PRPSAP2: variants seen among roughly 807,000 people sequenced by gnomAD.
PRPSAP2 encodes phosphoribosyl pyrophosphate synthetase associated protein 2.
A neutral mutation model predicts 40.6 loss-of-function variants in PRPSAP2; 24 were observed. The observed-to-expected ratio is 0.59, with a 90% CI of 0.43 to 0.83. The LOEUF (loss-of-function observed/expected upper bound fraction) is 0.83. PRPSAP2 is among the 40% of genes least tolerant of loss of function. The pLI is 0.00. For synonymous variants in PRPSAP2, 149 were observed against 164.7 expected, an observed-to-expected ratio of 0.90 and a Z score of 0.73; for missense variants, 292 against 465.6, an observed-to-expected ratio of 0.63 and a Z score of 3.43.
chr17:18,863,830 C>CTT (rs2037226994), intron 1 of PRPSAP2, among the ~76,000 whole-genome samples: 2 of 74,188 alleles, frequency 2.7e-5, no homozygotes, highest in African/African-American at 1.1e-4. Flanking sequence ...CACTGCGTGG[C>CTT]CTTTTTTTTT....
chr17:18,882,250 G>T (rs2038811490), intron 6 of PRPSAP2, among the ~76,000 whole-genome samples: 1 of 152,048 alleles, frequency 6.6e-6, no homozygotes, highest in Admixed American at 6.6e-5. Flanking sequence ...AGTGGCTCAT[G>T]CCTGTATTCC....
At chr17:18,885,390 A>T (rs2039056014) in intron 7 of PRPSAP2, among the ~76,000 whole-genome samples, 1 of 111,004 alleles carries the variant, frequency 9.0e-6, no homozygotes, top group Non-Finnish European at 1.7e-5. Flanking sequence ...CGACAGAGTG[A>T]GATTCCTTCT....
rs950601250 is a variant in PRPSAP2 at position 18,892,593 on chromosome 17, C to CT, written c.584+2730dup. Among the ~76,000 whole-genome samples the CT allele has an allele frequency of 1.2e-3, 160 of 131,194 alleles. 1 individual carries two copies. Among genetic ancestry groups the CT allele is most frequent in the Middle Eastern group, 0.011 (3 of 262 alleles). 86.1% of individuals were successfully genotyped at this position (131,194 alleles called of 152,430 possible). A position where few individuals can be genotyped will look rare whatever the true frequency, so the allele number is the denominator to read the frequency against. On this transcript the variant is annotated intron_variant, in intron 8 of 11. Coordinates refer to ENST00000268835, the MANE Select transcript of PRPSAP2 (RefSeq NM_002767.4). Reference sequence around the variant, plus strand: ...CCTAATGATTGATGATGTTGAGTATCTTTTTTTTTTTTTTAATGAGACAGG... The same window carrying CT: ...CCTAATGATTGATGATGTTGAGTATCTTTTTTTTTTTTTTTAATGAGACAGG...
At chr17:18,922,976 G>A (rs113575362) in intron 9 of PRPSAP2, among the ~76,000 whole-genome samples, 14,814 of 151,706 alleles carry the variant, frequency 0.098, 905 homozygotes, top group African/African-American at 0.17. Context: ...ACCATGCCCA[G>A]CCTACTTTAT....
At chr17:18,904,994 G>A (rs1771243867) in intron 8 of PRPSAP2, 1 of 152,088 alleles carries the variant, frequency 6.6e-6, no homozygotes, top group South Asian at 2.1e-4. Context: ...CCATTGCTGT[G>A]CAGGTAATAA....
chr17:18,881,933 C>T (rs531824403), intron 6 of PRPSAP2, among the ~76,000 whole-genome samples: 10 of 150,556 alleles, frequency 6.6e-5, no homozygotes, highest in African/African-American at 1.2e-4. Flanking sequence ...CTCTGCCTCC[C>T]GGATTCAAGC....
At chr17:18,882,786 G>A (rs79836654) in intron 7 of PRPSAP2, 103 bp downstream of exon 7, 53,390 of 723,398 alleles carry the variant, frequency 0.074, 2,296 homozygotes, top group African/African-American at 0.13. Flanking sequence ...TTGATGTATT[G>A]TACTTAAAGT....
intron 8 of PRPSAP2, among the ~76,000 whole-genome samples, chr17:18,909,536 G>A (rs1394904652): frequency 1.3e-5 from 2 of 151,962 alleles, no homozygotes; most frequent in South Asian, 2.1e-4. Flanking sequence ...GAGCCACTGC[G>A]CCCGGCCTAT....
chr17:18,917,361 G>C (rs1172625221), intron 9 of PRPSAP2: 1 of 150,816 alleles, frequency 6.6e-6, no homozygotes, highest in Non-Finnish European at 1.5e-5. Context: ...GGAACAGGAG[G>C]GGCAGAAAAG....
Position 18,892,592 on chromosome 17 carries a change from T to A in PRPSAP2, c.584+2715T>A, listed in dbSNP as rs1255999894. On this transcript the variant is annotated intron_variant, in intron 8 of 11. Transcript: ENST00000268835. ...CCCTAATGATTGATGATGTTGAGTA[T>A]CTTTTTTTTTTTTTTAATGAGACAG... Among the ~76,000 whole-genome samples the A allele has an allele frequency of 2.0e-5, 3 of 150,848 alleles. No homozygotes were observed. The East Asian group carries it at 5.8e-4, about 29-fold the overall frequency.
intron 9 of PRPSAP2, among the ~76,000 whole-genome samples, chr17:18,914,292 C>T (rs2041165349): frequency 1.2e-5 from 1 of 81,602 alleles, no homozygotes; most frequent in Non-Finnish European, 2.2e-5. Flanking sequence ...GAGTCTTGAT[C>T]TGTCTTCCAG....
At position 18,930,169 on chromosome 17, in the gene PRPSAP2, G is replaced by A. The variant is rs374350300; in HGVS notation, c.952-371G>A. ...CGGTGGATCATGAGGTCAGGAGGTC[G>A]AGACCATCCTGGCTAACGCGGTGAA... On this transcript the variant is annotated intron_variant, in intron 11 of 11. Coordinates refer to ENST00000268835, the MANE Select transcript of PRPSAP2 (RefSeq NM_002767.4). 1.7e-3 allele frequency among the ~76,000 whole-genome samples: 258 copies of A among 152,262 alleles called. 2 individuals carry two copies. Among genetic ancestry groups the A allele is most frequent in the African/African-American group, 5.9e-3 (246 of 41,548 alleles).
intron 6 of PRPSAP2, among the ~76,000 whole-genome samples, chr17:18,882,170 A>T (rs188402055): frequency 3.3e-5 from 5 of 152,008 alleles, no homozygotes; most frequent in Non-Finnish European, 7.4e-5. Flanking sequence ...AACTTATTGT[A>T]TATAGTATTT....
chr17:18,878,839 C>T lies in PRPSAP2; in HGVS notation c.412+969C>T, dbSNP rs192753433. On this transcript the variant is annotated intron_variant, in intron 6 of 11. Transcript: ENST00000268835. Reference sequence around the variant, plus strand: ...GATTACAGGCGTAAGCCACTGCACCCGGCCTATGATTTTTTTATTTTAATT... The same window carrying T: ...GATTACAGGCGTAAGCCACTGCACCTGGCCTATGATTTTTTTATTTTAATT... 3.6e-3 allele frequency among the ~76,000 whole-genome samples: 547 copies of T among 151,820 alleles called. 1 individual carries two copies. Among genetic ancestry groups the T allele is most frequent in the African/African-American group, 0.012 (500 of 41,396 alleles).
At chr17:18,907,696 C>T (rs2040684956) in intron 8 of PRPSAP2, among the ~76,000 whole-genome samples, 1 of 152,082 alleles carries the variant, frequency 6.6e-6, no homozygotes, top group Non-Finnish European at 1.5e-5. Context: ...ATTCTCTGAC[C>T]ACAGTGGAAT....
intron 10 of PRPSAP2, among the ~76,000 whole-genome samples, chr17:18,927,253 C>T (rs1417317524): frequency 1.3e-5 from 2 of 152,158 alleles, no homozygotes; most frequent in Admixed American, 6.5e-5. Flanking sequence ...CCCAAAGACC[C>T]CACCACCCAA....
At chr17:18,874,049 C>T (rs1045172968) in intron 5 of PRPSAP2, among the ~76,000 whole-genome samples, 1 of 152,142 alleles carries the variant, frequency 6.6e-6, no homozygotes, top group African/African-American at 2.4e-5. Context: ...GGACTACAGG[C>T]ATGCACCAGC....
chr17:18,912,312 C>G (rs551530490), intron 9 of PRPSAP2, among the ~76,000 whole-genome samples: 1 of 152,286 alleles, frequency 6.6e-6, no homozygotes, highest in East Asian at 1.9e-4. Context: ...GCCTCTCTGA[C>G]AAGGGCACTG....
intron 9 of PRPSAP2, among the ~76,000 whole-genome samples, chr17:18,913,212 C>T (rs1051660299): frequency 6.6e-6 from 1 of 152,184 alleles, no homozygotes; most frequent in Non-Finnish European, 1.5e-5. Context: ...GGCCCTGGCA[C>T]TCTTTGGGGC....
Sources: allele counts gnomAD v4.1 joint callset (sites outside exome capture counted in the v4.1 genomes callset), GRCh38; gene constraint gnomAD v4.1.1; transcripts MANE v1.5; gene names NCBI Gene and HGNC (gene_info 2026-07-23, HGNC 2026-07-21).